Variants in AK9 observed in about 807,000 individuals in gnomAD.
The protein encoded by AK9 is adenylate kinase 9.
AK9 carries 191 observed loss-of-function variants against 239.6 expected under a neutral mutation model. That is an observed-to-expected ratio of 0.80 (90% CI 0.71 to 0.90). AK9 has a LOEUF of 0.90. AK9 is among the 40% of genes least tolerant of loss of function. The probability of loss-of-function intolerance (pLI) is 0.00; values close to 1 mark genes in which losing one functional copy is unlikely to be tolerated. For missense variants in AK9, 1,995 were observed against 2,214.7 expected, an observed-to-expected ratio of 0.90 and a Z score of 1.99; for synonymous variants, 689 against 721.0, an observed-to-expected ratio of 0.96 and a Z score of 0.71.
intron 21 of AK9, 96 bp from the exon 22 acceptor site, chr6:109,564,941 A>G: frequency 2.2e-6 from 2 of 927,554 alleles, no homozygotes; most frequent in Non-Finnish European, 3.1e-6. Flanking sequence ...TATAGCTTAA[A>G]TTGTATATGA....
chr6:109,539,765 G>A (rs568779103), intron 27 of AK9, among the ~76,000 whole-genome samples: 6 of 152,024 alleles, frequency 3.9e-5, no homozygotes, highest in Non-Finnish European at 5.9e-5. Flanking sequence ...TGATGGTGAC[G>A]TACAGATGGG....
In AK9 at chr6:109,602,242, T is replaced by G. The variant is rs995685119; in HGVS notation, c.1842+8123A>C. On this transcript the variant is annotated intron_variant, in intron 17 of 40. Transcript: ENST00000424296. ...GTTCCTTTCCATGTTTAGTGCTTCC[T>G]TCAGGAGCTCTTGTAGGGCAGGCCT... 8.2e-4 allele frequency among the ~76,000 whole-genome samples: 125 copies of G among 152,224 alleles called. 1 individual carries two copies. The highest frequency in any genetic ancestry group is 2.9e-3 in the Admixed American group (44 of 15,286).
chr6:109,647,783 T>G (rs1323874539), intron 8 of AK9, among the ~76,000 whole-genome samples: 1 of 121,214 alleles, frequency 8.2e-6, no homozygotes, highest in Non-Finnish European at 1.8e-5. Context: ...CAACAGAATA[T>G]ACATTCTTCT....
chr6:109,614,552 C>T, intron 13 of AK9, 72 bp from the exon 14 acceptor site: 2 of 1,246,778 alleles, frequency 1.6e-6, no homozygotes, highest in South Asian at 1.3e-5. Flanking sequence ...TGACCAAAAG[C>T]CCCTGCTTCA....
At chr6:109,599,672 G>A (rs1422920773) in intron 17 of AK9, among the ~76,000 whole-genome samples, 1 of 152,098 alleles carries the variant, frequency 6.6e-6, no homozygotes, top group Non-Finnish European at 1.5e-5. Flanking sequence ...GGGCAGTATG[G>A]CCATTTTCAC....
intron 7 of AK9, 112 bp from the exon 8 acceptor site, chr6:109,656,996 G>A: frequency 8.0e-7 from 1 of 1,245,680 alleles, no homozygotes; most frequent in Non-Finnish European, 1.1e-6. Flanking sequence ...AGAAGCAGGG[G>A]GAGGGGACGA....
intron 7 of AK9, among the ~76,000 whole-genome samples, chr6:109,657,934 A>G (rs1799927588): frequency 6.6e-6 from 1 of 152,152 alleles, no homozygotes; most frequent in Non-Finnish European, 1.5e-5. Context: ...TCCCATTTTT[A>G]TCAATGTACA....
At chr6:109,622,074 T>C (rs910985643) in intron 12 of AK9, among the ~76,000 whole-genome samples, 1 of 147,282 alleles carries the variant, frequency 6.8e-6, no homozygotes, top group Non-Finnish European at 1.5e-5. Context: ...TTATATATTA[T>C]CTATATATGT....
At chr6:109,601,543 A>T (rs1052875836) in intron 17 of AK9, among the ~76,000 whole-genome samples, 3 of 152,136 alleles carry the variant, frequency 2.0e-5, no homozygotes, top group African/African-American at 4.8e-5. Context: ...TGCTGAGAAG[A>T]TTGTATATTC....
chr6:109,536,559 T>A (rs1417815287), intron 27 of AK9, among the ~76,000 whole-genome samples: 1 of 152,204 alleles, frequency 6.6e-6, no homozygotes, highest in Non-Finnish European at 1.5e-5. Context: ...ACAGGGACAA[T>A]TTGACTTCCT....
chr6:109,634,301 AAC>A (rs1796460494), intron 10 of AK9, among the ~76,000 whole-genome samples: 1 of 152,192 alleles, frequency 6.6e-6, no homozygotes, highest in Admixed American at 6.5e-5. Flanking sequence ...CACAATGGGA[AAC>A]ACAGCACAAA....
At chr6:109,644,495 T>C (rs779711906) in intron 9 of AK9, 119 bp downstream of exon 9, 3 of 840,382 alleles carry the variant, frequency 3.6e-6, no homozygotes, top group Admixed American at 6.0e-5. Context: ...AGACAGATTG[T>C]TCAAAGATAA....
intron 1 of AK9, among the ~76,000 whole-genome samples, chr6:109,681,429 C>A (rs1344689976): frequency 2.0e-5 from 3 of 152,120 alleles, no homozygotes; most frequent in African/African-American, 7.2e-5. Context: ...AATATAGGAG[C>A]ACCCAGATTC....
chr6:109,650,196 C>T (rs74946588), intron 8 of AK9, among the ~76,000 whole-genome samples: 87,937 of 151,268 alleles, frequency 0.58, 27,254 homozygotes, highest in South Asian at 0.84. Flanking sequence ...ATGTCTAAAA[C>T]ACCAAAAGCA....
intron 1 of AK9, among the ~76,000 whole-genome samples, chr6:109,688,116 T>C (rs1280724145): frequency 6.6e-6 from 1 of 152,186 alleles, no homozygotes; most frequent in Non-Finnish European, 1.5e-5. Context: ...CTGCTGAATG[T>C]TCTACCTGTT....
intron 1 of AK9, among the ~76,000 whole-genome samples, chr6:109,679,361 C>G (rs183457989): frequency 2.6e-5 from 4 of 152,254 alleles, no homozygotes; most frequent in African/African-American, 4.8e-5. Context: ...CTCCCACCCC[C>G]GCAGCTCAGC....
intron 20 of AK9, among the ~76,000 whole-genome samples, chr6:109,578,168 C>G (rs557564837): frequency 6.6e-6 from 1 of 152,212 alleles, no homozygotes; most frequent in African/African-American, 2.4e-5. Context: ...CTCCTGACCT[C>G]AGGTGATCCA....
At chr6:109,662,437 G>A in intron 6 of AK9, 114 bp downstream of exon 6, 1 of 850,034 alleles carries the variant, frequency 1.2e-6, no homozygotes, top group Non-Finnish European at 1.6e-6. Context: ...TCCTGTGATT[G>A]ATGCATAAGT....
chr6:109,579,286 C>A, intron 20 of AK9: 1 of 334,402 alleles, frequency 3.0e-6, no homozygotes, highest in Non-Finnish European at 5.4e-6. Flanking sequence ...GTATCACTTG[C>A]AGAGGGTGTA....
Sources: gnomAD v4.1 joint callset for allele counts (sites outside exome capture counted in the v4.1 genomes callset) on GRCh38, gnomAD v4.1.1 for gene constraint, MANE v1.5 for transcripts, NCBI Gene and HGNC (gene_info 2026-07-23, HGNC 2026-07-21) for gene names.